The following XKR6 variants were observed in gnomAD, a reference collection of about 807,000 sequenced individuals.
The protein encoded by XKR6 is XK related 6.
A neutral mutation model predicts 56.7 loss-of-function variants in XKR6; 22 were observed. The ratio of observed to expected loss-of-function variants is 0.39; its 90% CI spans 0.28 to 0.55. The LOEUF (loss-of-function observed/expected upper bound fraction) is 0.55, where lower values mean the gene tolerates loss of function less well. Ranked by LOEUF, XKR6 falls within the 20% of genes least tolerant of loss-of-function variation. The pLI, the probability that XKR6 is intolerant of heterozygous loss-of-function variation, is 0.66. For synonymous variants in XKR6, 524 were observed against 387.8 expected, an observed-to-expected ratio of 1.35 and a Z score of -4.13; for missense variants, 852 against 889.0, an observed-to-expected ratio of 0.96 and a Z score of 0.53.
intron 1 of XKR6, among the ~76,000 whole-genome samples, chr8:11,020,069 C>T (rs1165425105): frequency 6.6e-6 from 1 of 152,136 alleles, no homozygotes; most frequent in African/African-American, 2.4e-5. Flanking sequence ...GAGATGGTGG[C>T]CTCATCCCCA....
chr8:10,953,999 C>T (rs1359110167), intron 1 of XKR6, among the ~76,000 whole-genome samples: 1 of 152,210 alleles, frequency 6.6e-6, no homozygotes, highest in Non-Finnish European at 1.5e-5. Context: ...TACTTCATTC[C>T]TTTCTATTGT....
chr8:11,046,137 A>C (rs2129157884), intron 1 of XKR6, among the ~76,000 whole-genome samples: 1 of 152,304 alleles, frequency 6.6e-6, no homozygotes, highest in South Asian at 2.1e-4. Flanking sequence ...GGTGGCTCAC[A>C]CCTGTAATCC....
At chr8:11,170,629 A>G (rs1429668385) in intron 1 of XKR6, among the ~76,000 whole-genome samples, 1 of 152,228 alleles carries the variant, frequency 6.6e-6, no homozygotes, top group African/African-American at 2.4e-5. Context: ...CATTTGTGGT[A>G]ATCGTTGCAC....
At chr8:10,973,767 T>C (rs1432569110) in intron 1 of XKR6, among the ~76,000 whole-genome samples, 1 of 152,150 alleles carries the variant, frequency 6.6e-6, no homozygotes, top group Non-Finnish European at 1.5e-5. Flanking sequence ...TTTTTTGTTG[T>C]AGAAACGGGG....
intron 1 of XKR6, among the ~76,000 whole-genome samples, chr8:11,128,475 T>C (rs1457122896): frequency 6.6e-6 from 1 of 152,206 alleles, no homozygotes; most frequent in Non-Finnish European, 1.5e-5. Flanking sequence ...GGTATATGCA[T>C]ATTTAAAACC....
chr8:11,091,328 C>T (rs555866768), intron 1 of XKR6, among the ~76,000 whole-genome samples: 221 of 152,072 alleles, frequency 1.5e-3, no homozygotes, highest in African/African-American at 5.2e-3. Flanking sequence ...GTCCCAGCTA[C>T]TTGGAAGGCT....
intron 1 of XKR6, among the ~76,000 whole-genome samples, chr8:10,955,504 T>C (rs55905112): frequency 0.066 from 10,039 of 152,264 alleles, 365 homozygotes; most frequent in Middle Eastern, 0.13. Context: ...AAGGTAACAT[T>C]TCTGCAGTGA....
intron 1 of XKR6, among the ~76,000 whole-genome samples, chr8:10,978,728 G>C (rs2129136551): frequency 6.6e-6 from 1 of 152,298 alleles, no homozygotes; most frequent in Middle Eastern, 3.4e-3. Flanking sequence ...CCCACCCTCT[G>C]CTTCAGCCAT....
intron 1 of XKR6, among the ~76,000 whole-genome samples, chr8:11,014,675 A>AT (rs1330912861): frequency 6.6e-6 from 1 of 152,170 alleles, no homozygotes; most frequent in Admixed American, 6.5e-5. Flanking sequence ...CAACACAGAT[A>AT]TGGGGCAAAG....
At chr8:11,064,811 C>G (rs111521463) in intron 1 of XKR6, among the ~76,000 whole-genome samples, 1 of 152,164 alleles carries the variant, frequency 6.6e-6, no homozygotes, top group Non-Finnish European at 1.5e-5. Flanking sequence ...CTATGTATCC[C>G]AGGTTAAGGA....
intron 1 of XKR6, among the ~76,000 whole-genome samples, chr8:10,937,716 G>T (rs1279805001): frequency 1.3e-5 from 2 of 148,180 alleles, no homozygotes; most frequent in Non-Finnish European, 3.0e-5. Flanking sequence ...GCTGCTCGGG[G>T]GTCAGGGGTC....
At chr8:11,115,002 C>T (rs138720766) in intron 1 of XKR6, among the ~76,000 whole-genome samples, 1 of 152,150 alleles carries the variant, frequency 6.6e-6, no homozygotes, top group African/African-American at 2.4e-5. Context: ...GAGTTCTAAA[C>T]CTCATCAGTG....
chr8:11,093,038 TTCTTTC>T (rs1198982455), intron 1 of XKR6, among the ~76,000 whole-genome samples: 10 of 124,208 alleles, frequency 8.1e-5, no homozygotes, highest in African/African-American at 4.3e-4. Context: ...TCTTTTCTCT[TTCTTTC>T]TCTTTCTTTT....
At chr8:10,920,809 A>G (rs979887345) in intron 2 of XKR6, among the ~76,000 whole-genome samples, 12 of 152,230 alleles carry the variant, frequency 7.9e-5, no homozygotes, top group Admixed American at 3.9e-4. Context: ...GAGATCCACA[A>G]TCCAATGACA....
intron 1 of XKR6, among the ~76,000 whole-genome samples, chr8:10,990,614 C>CA (rs1797968790): frequency 6.6e-6 from 1 of 152,118 alleles, no homozygotes; most frequent in Non-Finnish European, 1.5e-5. Context: ...ATTGCTGAGA[C>CA]AGGGTCTCAC....
intron 1 of XKR6, among the ~76,000 whole-genome samples, chr8:11,021,692 A>T (rs1309190307): frequency 6.6e-6 from 1 of 152,078 alleles, no homozygotes; most frequent in Non-Finnish European, 1.5e-5. Context: ...ACTGCTATAT[A>T]TTCTTGGTGC....
intron 1 of XKR6, among the ~76,000 whole-genome samples, chr8:10,986,304 T>C (rs1451253175): frequency 1.2e-4 from 18 of 152,192 alleles, no homozygotes; most frequent in Non-Finnish European, 2.4e-4. Context: ...TATGTAAACA[T>C]AAAATGAAAT....
chr8:11,092,954 C>A (rs1252434726), intron 1 of XKR6, among the ~76,000 whole-genome samples: 2 of 152,246 alleles, frequency 1.3e-5, no homozygotes, highest in African/African-American at 4.8e-5. Context: ...TCCTGCCCAC[C>A]ATGCAGCCCT....
At chr8:11,070,792 T>G (rs1800094880) in intron 1 of XKR6, among the ~76,000 whole-genome samples, 1 of 152,222 alleles carries the variant, frequency 6.6e-6, no homozygotes, top group Non-Finnish European at 1.5e-5. Context: ...AATCAATAAT[T>G]AGGTGACTTG....
Sources: allele counts gnomAD v4.1 joint callset (sites outside exome capture counted in the v4.1 genomes callset), GRCh38; gene constraint gnomAD v4.1.1; transcripts MANE v1.5; gene names NCBI Gene and HGNC (gene_info 2026-07-23, HGNC 2026-07-21).